The following MRTFB variants were observed in gnomAD, a reference collection of about 807,000 sequenced individuals.
MRTFB encodes the protein myocardin-related transcription factor B.
In MRTFB, 29 loss-of-function variants were observed where a neutral mutation model predicts 104.2. The observed-to-expected ratio is 0.28, with a 90% CI of 0.21 to 0.38. The LOEUF (loss-of-function observed/expected upper bound fraction) is 0.38. MRTFB is among the 10% of genes least tolerant of loss of function. The pLI, the probability that MRTFB is intolerant of heterozygous loss-of-function variation, is 1.00. For missense variants in MRTFB, 1,270 were observed against 1,341.6 expected (o/e 0.95, Z 0.83); for synonymous variants, 535 against 519.5 (o/e 1.03, Z -0.41).
intron 2 of MRTFB, among the ~76,000 whole-genome samples, chr16:14,089,862 G>T (rs1263421623): frequency 6.6e-6 from 1 of 152,108 alleles, no homozygotes; most frequent in African/African-American, 2.4e-5. Flanking sequence ...TCATGATTTT[G>T]ATTTGCATTT....
intron 3 of MRTFB, chr16:14,186,830 G>C (rs1027935117): frequency 4.4e-6 from 7 of 1,587,114 alleles, no homozygotes; most frequent in South Asian, 1.1e-5. Flanking sequence ...CCAGGGACCA[G>C]AGTGTTCTGC....
In MRTFB at chr16:14,148,956, G is replaced by A. The variant is rs528077305; in HGVS notation, c.154+8196G>A. 1.9e-4 allele frequency among the ~76,000 whole-genome samples: 29 copies of A among 152,230 alleles called. No homozygotes were observed. The South Asian group carries it at 2.3e-3, about 12-fold the overall frequency. On this transcript the variant is annotated intron_variant, in intron 3 of 16. Coordinates refer to ENST00000571589, the MANE Select transcript of MRTFB (RefSeq NM_001308142.2). ...ACTTTTCCTTAGATACAAATTAGTC[G>A]TGTTGCTGTTTAATACAGACCTCAC... is the stretch of plus-strand genomic sequence containing the variant.
chr16:14,037,374 G>C, the MRTFB span, among the ~76,000 whole-genome samples: 1 of 152,190 alleles, frequency 6.6e-6, no homozygotes. Context: ...TCGGAGGGAG[G>C]ATGATTATTT....
At chr16:13,997,374 T>G in the MRTFB span, among the ~76,000 whole-genome samples, 1 of 152,210 alleles carries the variant, frequency 6.6e-6, no homozygotes, top group African/African-American at 2.4e-5. Context: ...CAGAGAGCTT[T>G]AGTTTATTTG....
chr16:14,025,541 T>G, the MRTFB span, among the ~76,000 whole-genome samples: 1 of 152,176 alleles, frequency 6.6e-6, no homozygotes, highest in Non-Finnish European at 1.5e-5. Flanking sequence ...TGCCCTAGTC[T>G]GACTTAAGGT....
chr16:14,136,403 T>C (rs551049418), intron 2 of MRTFB, among the ~76,000 whole-genome samples: 1 of 152,360 alleles, frequency 6.6e-6, no homozygotes, highest in East Asian at 1.9e-4. Flanking sequence ...GGCAAATGAT[T>C]TATCCTCTGT....
At chr16:14,003,003 G>A in the MRTFB span, among the ~76,000 whole-genome samples, 1 of 152,108 alleles carries the variant, frequency 6.6e-6, no homozygotes, top group Non-Finnish European at 1.5e-5. Flanking sequence ...AGAAGTGAGA[G>A]AGAGAAAAGA....
chr16:14,230,645 G>A (rs2151297240), intron 8 of MRTFB, among the ~76,000 whole-genome samples: 1 of 152,314 alleles, frequency 6.6e-6, no homozygotes, highest in Admixed American at 6.5e-5. Flanking sequence ...AGGTACTGGA[G>A]AGGATGTGGA....
At chr16:14,004,158 G>A in the MRTFB span, among the ~76,000 whole-genome samples, 4 of 152,132 alleles carry the variant, frequency 2.6e-5, no homozygotes, top group Non-Finnish European at 4.4e-5. Context: ...TGGCAGCCCC[G>A]GACCTTGATT....
intron 2 of MRTFB, among the ~76,000 whole-genome samples, chr16:14,121,628 A>G (rs1176878921): frequency 6.6e-6 from 1 of 152,190 alleles, no homozygotes; most frequent in East Asian, 1.9e-4. Flanking sequence ...GAATGAGGGG[A>G]AAAGCCCTGA....
the MRTFB span, among the ~76,000 whole-genome samples, chr16:14,064,127 C>T: frequency 2.0e-5 from 3 of 152,190 alleles, no homozygotes; most frequent in Non-Finnish European, 4.4e-5. Flanking sequence ...TCCACAGCCT[C>T]GTCAGCATCT....
At chr16:14,226,880 G>A (rs532195945) in intron 8 of MRTFB, among the ~76,000 whole-genome samples, 2 of 151,970 alleles carry the variant, frequency 1.3e-5, no homozygotes, top group African/African-American at 4.8e-5. Flanking sequence ...TACTCCAGAA[G>A]CTGAGATGAG....
intron 5 of MRTFB, 112 bp downstream of exon 5, chr16:14,212,521 T>C: frequency 1.0e-6 from 1 of 957,144 alleles, no homozygotes. Context: ...AGAGAAAAAA[T>C]AGTGTATTTT....
the MRTFB span, among the ~76,000 whole-genome samples, chr16:14,060,607 G>C: frequency 6.6e-6 from 1 of 152,092 alleles, no homozygotes; most frequent in African/African-American, 2.4e-5. Context: ...AGGGGTCTCA[G>C]GCTTGGCAGT....
At chr16:14,048,048 G>A in the MRTFB span, among the ~76,000 whole-genome samples, 1 of 152,210 alleles carries the variant, frequency 6.6e-6, no homozygotes, top group African/African-American at 2.4e-5. Context: ...TACAATGGGG[G>A]TACAGGCATT....
At position 14,248,946 on chromosome 16, in the gene MRTFB, G is replaced by T. The variant is rs2043138103; in HGVS notation, c.2268G>T (p.Met756Ile). 6.2e-7 allele frequency: 1 copy of T among 1,613,868 alleles called. No individual in the cohort carries two copies. Among genetic ancestry groups the T allele is most frequent in the South Asian group, 1.1e-5 (1 of 91,064 alleles). Residue 756 changes from methionine to isoleucine, a missense_variant, in exon 13 of 17, where the codon ATG (methionine) becomes ATT (isoleucine). Met to Ile is a conservative substitution (Grantham distance 10, BLOSUM62 1). Transcript: ENST00000571589. ...LKLQTSPQAG[M>I]QTQPQIATAA... ...CCTAGACTTCACCACAAGCAGGAAT[G>T]CAGACTCAGCCTCAGATAGCAACTG...
intron 2 of MRTFB, among the ~76,000 whole-genome samples, chr16:14,106,615 A>G (rs1321429123): frequency 6.6e-6 from 1 of 152,206 alleles, no homozygotes; most frequent in Non-Finnish European, 1.5e-5. Context: ...AAAGTTTGAC[A>G]TTTAGTAAGC....
In MRTFB at chr16:14,234,134, C is replaced by A; in HGVS notation, c.694-12C>A. 6.2e-7 allele frequency: 1 copy of A among 1,603,308 alleles called. No homozygotes were observed. The highest frequency in any genetic ancestry group is 8.5e-7 in the Non-Finnish European group (1 of 1,175,576). On this transcript the variant is annotated splice_polypyrimidine_tract_variant and intron_variant, in intron 8 of 16. Coordinates refer to ENST00000571589, the MANE Select transcript of MRTFB (RefSeq NM_001308142.2). The stretch of plus-strand genomic sequence containing the variant: ...ATTTCACAGACTTGTTCCTTTTTGC[C>A]TTTTCCACCAGTTTGCTTCAGTGTC...
At chr16:14,226,825 T>G (rs2042022969) in intron 8 of MRTFB, among the ~76,000 whole-genome samples, 1 of 151,332 alleles carries the variant, frequency 6.6e-6, no homozygotes, top group Non-Finnish European at 1.5e-5. Context: ...AAATAAAAAT[T>G]AAAAAAATTA....
Sources: allele counts gnomAD v4.1 joint callset (sites outside exome capture counted in the v4.1 genomes callset), GRCh38; gene constraint gnomAD v4.1.1; transcripts MANE v1.5; gene names NCBI Gene and HGNC (gene_info 2026-07-23, HGNC 2026-07-21).